The following MGAT5 variants were observed in gnomAD, a reference collection of about 807,000 sequenced individuals.
MGAT5 encodes the protein alpha-1,6-mannosylglycoprotein 6-beta-N-acetylglucosaminyltransferase.
A neutral mutation model predicts 94.3 loss-of-function variants in MGAT5; 30 were observed. The ratio of observed to expected loss-of-function variants is 0.32; its 90% confidence interval spans 0.24 to 0.43. The LOEUF (loss-of-function observed/expected upper bound fraction) is 0.43. Among genes scored for constraint, MGAT5 ranks in the 20% least tolerant of loss-of-function variants. The pLI, the probability that MGAT5 is intolerant of heterozygous loss-of-function variation, is 1.00. For synonymous variants in MGAT5, 310 were observed against 322.9 expected, an observed-to-expected ratio of 0.96 and a Z score of 0.43; for missense variants, 691 against 905.5, an observed-to-expected ratio of 0.76 and a Z score of 3.04.
chr2:134,370,916 G>A (rs529869514), intron 10 of MGAT5, among the ~76,000 whole-genome samples: 2 of 152,302 alleles, frequency 1.3e-5, no homozygotes, highest in South Asian at 2.1e-4. Context: ...CTGTGTAAGC[G>A]TGTCAGTGTT....
chr2:134,236,624 C>A (rs940347393), intron 1 of MGAT5, among the ~76,000 whole-genome samples: 3 of 152,176 alleles, frequency 2.0e-5, no homozygotes, highest in Non-Finnish European at 4.4e-5. Flanking sequence ...GCCTTGGCAG[C>A]CATGCTGAAC....
intron 1 of MGAT5, among the ~76,000 whole-genome samples, chr2:134,256,329 A>G (rs1682961503): frequency 6.6e-6 from 1 of 152,242 alleles, no homozygotes; most frequent in Non-Finnish European, 1.5e-5. Flanking sequence ...TATATGACAC[A>G]GCAGGTAACA....
At chr2:134,338,563 T>C in intron 6 of MGAT5, 143 bp downstream of exon 6, 1 of 900,780 alleles carries the variant, frequency 1.1e-6, no homozygotes, top group South Asian at 2.2e-5. Context: ...GTACAGCTGT[T>C]TTTGGGTTGT....
chr2:134,318,440 A>T (rs1286466220), intron 3 of MGAT5, among the ~76,000 whole-genome samples: 6 of 152,116 alleles, frequency 3.9e-5, no homozygotes, highest in African/African-American at 1.4e-4. Context: ...GCTGAGGCCT[A>T]ACGTAAGCCA....
chr2:134,445,037 C>T (rs559147492), intron 15 of MGAT5, among the ~76,000 whole-genome samples: 45 of 152,228 alleles, frequency 3.0e-4, no homozygotes, highest in African/African-American at 1.0e-3. Context: ...GTGTTCCTGC[C>T]CAGTTTCTAA....
intron 4 of MGAT5, among the ~76,000 whole-genome samples, chr2:134,325,774 G>C (rs1687605523): frequency 6.6e-6 from 1 of 151,900 alleles, no homozygotes; most frequent in Admixed American, 6.6e-5. Flanking sequence ...TTCATTTTAG[G>C]TTCTCTTCCG....
chr2:134,397,480 A>C (rs2106275039), intron 10 of MGAT5, among the ~76,000 whole-genome samples: 1 of 152,230 alleles, frequency 6.6e-6, no homozygotes, highest in Non-Finnish European at 1.5e-5. Context: ...ACCTTGGAAT[A>C]GTGGAATAGT....
At chr2:134,267,423 G>T (rs760306504) in intron 1 of MGAT5, among the ~76,000 whole-genome samples, 7 of 152,170 alleles carry the variant, frequency 4.6e-5, no homozygotes, top group African/African-American at 1.4e-4. Flanking sequence ...CACACTGCCT[G>T]GCATATAGAA....
intron 14 of MGAT5, among the ~76,000 whole-genome samples, chr2:134,432,628 GAC>G (rs989300975): frequency 2.0e-5 from 3 of 152,214 alleles, no homozygotes; most frequent in Non-Finnish European, 4.4e-5. Flanking sequence ...CACCCAGAGA[GAC>G]TAGGCAGGTA....
intron 1 of MGAT5, among the ~76,000 whole-genome samples, chr2:134,188,243 A>G (rs1689144379): frequency 6.6e-6 from 1 of 152,248 alleles, no homozygotes; most frequent in Admixed American, 6.5e-5. Flanking sequence ...GCAAGTGAGG[A>G]TAGAGAGTAG....
intron 1 of MGAT5, among the ~76,000 whole-genome samples, chr2:134,171,240 T>C (rs921274798): frequency 6.6e-5 from 10 of 152,236 alleles, no homozygotes; most frequent in Non-Finnish European, 1.2e-4. Context: ...GGAATCTATT[T>C]GAAAAAACAG....
At chr2:134,332,897 A>G (rs985936486) in intron 4 of MGAT5, among the ~76,000 whole-genome samples, 4 of 152,084 alleles carry the variant, frequency 2.6e-5, no homozygotes, top group Non-Finnish European at 5.9e-5. Context: ...ACCATCTCCT[A>G]CCAGTTAGAA....
At chr2:134,333,147 C>T (rs533460230) in intron 4 of MGAT5, among the ~76,000 whole-genome samples, 3 of 151,994 alleles carry the variant, frequency 2.0e-5, no homozygotes, top group Admixed American at 6.6e-5. Context: ...ATGTTTATAG[C>T]GGCACTATTC....
At chr2:134,153,783 T>G (rs912248778) in intron 1 of MGAT5, among the ~76,000 whole-genome samples, 5 of 152,204 alleles carry the variant, frequency 3.3e-5, no homozygotes, top group African/African-American at 1.2e-4. Flanking sequence ...GACGACTGAC[T>G]ATACTTCTCG....
chr2:134,134,518 G>C (rs1686319401), intron 1 of MGAT5, among the ~76,000 whole-genome samples: 1 of 152,182 alleles, frequency 6.6e-6, no homozygotes, highest in Non-Finnish European at 1.5e-5. Context: ...TGAGTAAGGG[G>C]ATTTGTTACA....
Position 134,243,143 on chromosome 2 carries a change from T to A in MGAT5, c.-142-11119T>A, listed in dbSNP as rs563227957. 5.6e-4 allele frequency among the ~76,000 whole-genome samples: 85 copies of A among 152,182 alleles called. 2 individuals carry two copies. Among genetic ancestry groups the A allele is most frequent in the African/African-American group, 1.9e-3 (78 of 41,504 alleles). On this transcript the variant is annotated intron_variant, in intron 1 of 16. Transcript: ENST00000409645. ...TTGTTATAGAATGTCTTTTAAATGT[T>A]CTCATGCCTGGCTGTGTATTAAAAT...
chr2:134,342,797 T>C (rs1312117439), intron 7 of MGAT5, among the ~76,000 whole-genome samples: 1 of 152,010 alleles, frequency 6.6e-6, no homozygotes, highest in East Asian at 1.9e-4. Context: ...TCATCTGGTG[T>C]CTTCTGTAGG....
In MGAT5 at chr2:134,317,684, G is replaced by C. The variant is rs1021121526; in HGVS notation, c.483+79G>C. The C allele has an allele frequency of 1.9e-5, 18 of 939,402 alleles. No individual in the cohort carries two copies. In the African/African-American group the frequency reaches 2.9e-4, roughly 15 times the overall value. 58.2% of individuals were successfully genotyped at this position (939,402 alleles called of 1,614,324 possible). The stretch of plus-strand genomic sequence containing the variant: ...CCTTCTCTTCCTTTTCCTCCTCAGT[G>C]ACACAAATGGGTGAGTGAGCCCTTG... On this transcript the variant is annotated intron_variant, in intron 3 of 15. Coordinates refer to ENST00000281923, the MANE Select transcript of MGAT5 (RefSeq NM_002410.5).
intron 1 of MGAT5, among the ~76,000 whole-genome samples, chr2:134,255,630 T>C (rs1018625695): frequency 3.9e-5 from 6 of 152,180 alleles, no homozygotes; most frequent in Admixed American, 2.0e-4. Flanking sequence ...CTGTAGAAGA[T>C]GACCTGTTGT....
Sources: gnomAD v4.1 joint callset for allele counts (sites outside exome capture counted in the v4.1 genomes callset) on GRCh38, gnomAD v4.1.1 for gene constraint, MANE v1.5 for transcripts, NCBI Gene and HGNC (gene_info 2026-07-23, HGNC 2026-07-21) for gene names.